GLDC: variants seen among roughly 807,000 people sequenced by gnomAD.
GLDC encodes the protein glycine decarboxylase, also known as glycine dehydrogenase (decarboxylating), mitochondrial.
Under a neutral mutation model 121.3 loss-of-function variants are expected in GLDC, and 104 were observed. The ratio of observed to expected loss-of-function variants is 0.86; its 90% CI spans 0.73 to 1.01. The LOEUF is 1.01. Among genes scored for constraint, GLDC ranks in the 50% least tolerant of loss-of-function variants. The probability of loss-of-function intolerance (pLI) is 0.00; values close to 1 mark genes in which losing one functional copy is unlikely to be tolerated. For synonymous variants in GLDC, 546 were observed against 480.6 expected (o/e 1.14, Z -1.78); for missense variants, 1,429 against 1,306.6 (o/e 1.09, Z -1.44).
chr9:6,563,995 C>T (rs903470977), intron 16 of GLDC, among the ~76,000 whole-genome samples: 3 of 151,964 alleles, frequency 2.0e-5, no homozygotes, highest in East Asian at 1.9e-4. Flanking sequence ...CCTATAATCC[C>T]AGCACTTTGA....
At chr9:6,645,131 G>T in intron 1 of GLDC, 114 bp downstream of exon 1, 1 of 1,096,104 alleles carries the variant, frequency 9.1e-7, no homozygotes, top group East Asian at 2.7e-5. Flanking sequence ...GGGACCCAGG[G>T]TGCGGGGACC....
At chr9:6,567,835 C>T (rs1290269947) in intron 15 of GLDC, among the ~76,000 whole-genome samples, 2 of 152,170 alleles carry the variant, frequency 1.3e-5, no homozygotes, top group East Asian at 3.8e-4. Context: ...AGAGCATAAG[C>T]TCTGACAGTA....
chr9:6,558,248 T>G, intron 17 of GLDC: 1 of 584,024 alleles, frequency 1.7e-6, no homozygotes. Flanking sequence ...GTGACTGCCA[T>G]TTTGATTATT....
Position 6,634,571 on chromosome 9 carries a change from C to T in GLDC, c.334+10043G>A, listed in dbSNP as rs191916522. On this transcript the variant is annotated intron_variant, in intron 2 of 24. Coordinates refer to ENST00000321612, the MANE Select transcript of GLDC (RefSeq NM_000170.3). ...AACAAACAAAAAACAAAAAAAAAAC[C>T]CGCCATGCTTCTCCTGGGCTGCCCG... Among the ~76,000 whole-genome samples the T allele has an allele frequency of 5.9e-5, 9 of 151,470 alleles. No homozygotes were observed. The East Asian group carries it at 1.5e-3, about 26-fold the overall frequency.
intron 15 of GLDC, among the ~76,000 whole-genome samples, chr9:6,566,996 T>C (rs1033972455): frequency 3.3e-5 from 5 of 152,160 alleles, no homozygotes; most frequent in Non-Finnish European, 5.9e-5. Context: ...AGCTACGGGC[T>C]CCCTTTGCAA....
chr9:6,640,052 C>G (rs559361843), intron 2 of GLDC, among the ~76,000 whole-genome samples: 1 of 152,322 alleles, frequency 6.6e-6, no homozygotes, highest in African/African-American at 2.4e-5. Context: ...AGTAAATCCT[C>G]AGACAGCTTC....
intron 15 of GLDC, among the ~76,000 whole-genome samples, chr9:6,586,314 T>A (rs1219570122): frequency 2.0e-5 from 3 of 151,864 alleles, no homozygotes; most frequent in East Asian, 3.9e-4. Flanking sequence ...AATAAATAAA[T>A]AAAAATAAAA....
chr9:6,565,846 C>A, intron 15 of GLDC: 1 of 365,476 alleles, frequency 2.7e-6, no homozygotes, highest in South Asian at 3.7e-5. Flanking sequence ...TTCTCACTAA[C>A]CACTTTCATG....
At chr9:6,561,981 G>A (rs968214399) in intron 16 of GLDC, among the ~76,000 whole-genome samples, 3 of 152,168 alleles carry the variant, frequency 2.0e-5, no homozygotes, top group Non-Finnish European at 4.4e-5. Context: ...TTTCTTTGTT[G>A]ATTTACATAT....
intron 2 of GLDC, among the ~76,000 whole-genome samples, chr9:6,636,881 C>CA (rs1425038276): frequency 2.6e-5 from 4 of 151,830 alleles, no homozygotes; most frequent in African/African-American, 9.7e-5. Flanking sequence ...GTCAGGAGTT[C>CA]AAGACCAGCC....
rs545944774 is a variant in GLDC at position 6,588,333 on chromosome 9, C to G, written c.1707+68G>C. ...ACAGTCCCAGTAGATTTCACTAGTTCTGGGCTTAGGTGGAAGCTAGAACAC... is the reference window on the plus strand; with the variant it reads ...ACAGTCCCAGTAGATTTCACTAGTTGTGGGCTTAGGTGGAAGCTAGAACAC... On this transcript the variant is annotated intron_variant, in intron 14 of 24. Coordinates refer to ENST00000321612, the MANE Select transcript of GLDC (RefSeq NM_000170.3). 2.1e-5 allele frequency: 22 copies of G among 1,053,064 alleles called. No individual in the cohort carries two copies. The African/African-American group carries it at 2.2e-4, about 10-fold the overall frequency. The allele number at this position is 1,053,064 out of a possible 1,614,324, so 65.2% of individuals were successfully genotyped here.
chr9:6,563,759 C>A (rs996989667), intron 16 of GLDC, among the ~76,000 whole-genome samples: 3 of 152,218 alleles, frequency 2.0e-5, no homozygotes, highest in Non-Finnish European at 4.4e-5. Flanking sequence ...CTTCACTTCT[C>A]TCTGGACTGG....
At position 6,645,228 on chromosome 9, in the gene GLDC, CG is replaced by C. The variant is rs1186633163; in HGVS notation, c.255+16del. ...GGGCGGAGGGGAGGCCGCGGAGGGC[CG>C]GGTGGAGGTCCTTACCGCCAGCCCC... is the stretch of plus-strand genomic sequence containing the variant. On this transcript the variant is annotated intron_variant, in intron 1 of 24. Transcript: ENST00000321612. 9 of 1,573,036 alleles carry C rather than the reference CG, an allele frequency of 5.7e-6. No individual in the cohort carries two copies. Among genetic ancestry groups the C allele is most frequent in the Non-Finnish European group, 7.8e-6 (9 of 1,159,274 alleles).
intron 21 of GLDC, among the ~76,000 whole-genome samples, chr9:6,548,129 A>C (rs565142631): frequency 6.6e-6 from 1 of 152,332 alleles, no homozygotes; most frequent in African/African-American, 2.4e-5. Context: ...ACAAACTAAT[A>C]AAACTATCTG....
chr9:6,552,661 G>C (rs1335709294), intron 20 of GLDC, among the ~76,000 whole-genome samples: 1 of 152,124 alleles, frequency 6.6e-6, no homozygotes, highest in Non-Finnish European at 1.5e-5. Flanking sequence ...TTAAAGAGGG[G>C]CACTGCTTTG....
intron 3 of GLDC, among the ~76,000 whole-genome samples, chr9:6,613,842 T>A (rs940527801): frequency 2.0e-5 from 3 of 152,154 alleles, no homozygotes; most frequent in African/African-American, 7.2e-5. Flanking sequence ...AGTGGCACGA[T>A]CTCGGCCCAG....
intron 3 of GLDC, among the ~76,000 whole-genome samples, chr9:6,614,451 G>A (rs1440811053): frequency 6.6e-6 from 1 of 151,760 alleles, no homozygotes; most frequent in African/African-American, 2.4e-5. Flanking sequence ...GGCCAGGCTG[G>A]TCTCAAACTC....
At chr9:6,550,004 A>C (rs1817478473) in intron 21 of GLDC, among the ~76,000 whole-genome samples, 1 of 151,824 alleles carries the variant, frequency 6.6e-6, no homozygotes, top group Non-Finnish European at 1.5e-5. Context: ...CCTCTCCCCT[A>C]TCCCATCCTT....
At chr9:6,593,118 T>C in intron 9 of GLDC, 128 bp from the exon 10 acceptor site, 1 of 927,302 alleles carries the variant, frequency 1.1e-6, no homozygotes, top group Non-Finnish European at 1.7e-6. Flanking sequence ...GCTTTGGTGA[T>C]TGCTTTTTAA....
Sources: allele counts gnomAD v4.1 joint callset (sites outside exome capture counted in the v4.1 genomes callset), GRCh38; gene constraint gnomAD v4.1.1; transcripts MANE v1.5; gene names NCBI Gene and HGNC (gene_info 2026-07-23, HGNC 2026-07-21).